CSMD1: variants seen among roughly 807,000 people sequenced by gnomAD.
CSMD1 encodes the protein CUB and sushi domain-containing protein 1.
Under a neutral mutation model 417.5 loss-of-function variants are expected in CSMD1, and 213 were observed. The ratio of observed to expected loss-of-function variants is 0.51; its 90% CI spans 0.46 to 0.57. The LOEUF is 0.57. Ranked by LOEUF, CSMD1 falls within the 20% of genes least tolerant of loss-of-function variation. The pLI is 0.00. For missense variants in CSMD1, 6,923 were observed against 4,529.7 expected, an observed-to-expected ratio of 1.53 and a Z score of -15.17; for synonymous variants, 2,862 against 1,736.8, an observed-to-expected ratio of 1.65 and a Z score of -16.11.
At chr8:3,685,314 C>A (rs921392626) in intron 7 of CSMD1, among the ~76,000 whole-genome samples, 26 of 152,060 alleles carry the variant, frequency 1.7e-4, no homozygotes, top group Admixed American at 1.5e-3. Flanking sequence ...AGTTGTCTTT[C>A]CCCCTGTAAA....
At chr8:3,224,012 T>A (rs1798354038) in intron 27 of CSMD1, 145 bp from the exon 28 acceptor site, 1 of 665,394 alleles carries the variant, frequency 1.5e-6, no homozygotes. Context: ...TGGTTATCAA[T>A]TATCCTGATA....
intron 7 of CSMD1, among the ~76,000 whole-genome samples, chr8:3,636,255 G>A (rs959374166): frequency 6.6e-6 from 1 of 152,130 alleles, no homozygotes; most frequent in Non-Finnish European, 1.5e-5. Flanking sequence ...CTAGGACAAC[G>A]ATGCCTTCTT....
At chr8:3,539,968 A>C (rs1798369604) in intron 10 of CSMD1, among the ~76,000 whole-genome samples, 1 of 152,182 alleles carries the variant, frequency 6.6e-6, no homozygotes, top group African/African-American at 2.4e-5. Flanking sequence ...CTAGTTTGAG[A>C]AACAGTCTTC....
chr8:4,191,042 T>A (rs77624010), intron 3 of CSMD1, among the ~76,000 whole-genome samples: 4,243 of 151,952 alleles, frequency 0.028, 220 homozygotes, highest in African/African-American at 0.097. Context: ...CAAACCCCCA[T>A]GACACCAGTT....
chr8:4,655,422 TA>T (rs1804166241), intron 1 of CSMD1, among the ~76,000 whole-genome samples: 1 of 152,102 alleles, frequency 6.6e-6, no homozygotes, highest in Non-Finnish European at 1.5e-5. Context: ...AAAACAATTT[TA>T]GGTATAAAAT....
intron 3 of CSMD1, among the ~76,000 whole-genome samples, chr8:4,203,332 C>G (rs1182307370): frequency 6.6e-6 from 1 of 152,120 alleles, no homozygotes; most frequent in Non-Finnish European, 1.5e-5. Flanking sequence ...GGAGACCCAT[C>G]TGCAGGTTAG....
chr8:4,343,023 C>A (rs1438292753), intron 3 of CSMD1, among the ~76,000 whole-genome samples: 1 of 152,078 alleles, frequency 6.6e-6, no homozygotes, highest in Admixed American at 6.6e-5. Context: ...ACTTGTGCCT[C>A]CTCCAACCCT....
intron 5 of CSMD1, among the ~76,000 whole-genome samples, chr8:3,765,752 G>C (rs73188942): frequency 0.026 from 3,894 of 152,258 alleles, 76 homozygotes; most frequent in Non-Finnish European, 0.039. Context: ...GGTGAGATCT[G>C]GCATCCTCCT....
At chr8:4,622,628 G>T (rs925882790) in intron 2 of CSMD1, among the ~76,000 whole-genome samples, 2 of 152,176 alleles carry the variant, frequency 1.3e-5, no homozygotes, top group Non-Finnish European at 2.9e-5. Flanking sequence ...GGAAAGAAGA[G>T]CAGGTTTGGA....
rs754685211 is a variant in CSMD1 at position 4,227,179 on chromosome 8, G to T, written c.415+192774C>A. On this transcript the variant is annotated intron_variant, in intron 3 of 69. Transcript: ENST00000635120. ...AGGCTGCCTCTTTGCCTGCCCTCAT[G>T]GTTGCTGAGGGACGTTTAAGTCAAA... Among the ~76,000 whole-genome samples, 5 of 152,060 alleles carry T rather than the reference G, an allele frequency of 3.3e-5. 1 individual carries two copies. The South Asian group carries it at 6.2e-4, about 19-fold the overall frequency.
chr8:3,259,693 G>A (rs1167645601), intron 26 of CSMD1, among the ~76,000 whole-genome samples: 1 of 152,042 alleles, frequency 6.6e-6, no homozygotes, highest in Non-Finnish European at 1.5e-5. Flanking sequence ...TTACTAAATT[G>A]GTGAGTCTAA....
intron 10 of CSMD1, among the ~76,000 whole-genome samples, chr8:3,498,915 G>C (rs1336910392): frequency 6.6e-6 from 1 of 151,736 alleles, no homozygotes; most frequent in African/African-American, 2.4e-5. Flanking sequence ...TTTTTGAATT[G>C]TCTATTTTTA....
intron 2 of CSMD1, among the ~76,000 whole-genome samples, chr8:4,530,338 T>C (rs1218684628): frequency 7.0e-6 from 1 of 143,026 alleles, no homozygotes; most frequent in African/African-American, 2.6e-5. Flanking sequence ...TTTTTTTTTT[T>C]TTTTTTACTT....
intron 2 of CSMD1, among the ~76,000 whole-genome samples, chr8:4,522,334 C>A (rs62479742): frequency 0.081 from 12,259 of 152,202 alleles, 544 homozygotes; most frequent in African/African-American, 0.13. Flanking sequence ...TGAGTCTAAT[C>A]AAGCCTCTTG....
chr8:3,941,047 A>G (rs540745078), intron 5 of CSMD1, among the ~76,000 whole-genome samples: 2 of 152,066 alleles, frequency 1.3e-5, no homozygotes, highest in Non-Finnish European at 2.9e-5. Flanking sequence ...CAATACATTC[A>G]TATAATCAAA....
At chr8:3,898,985 T>A (rs1006277563) in intron 5 of CSMD1, among the ~76,000 whole-genome samples, 1 of 152,154 alleles carries the variant, frequency 6.6e-6, no homozygotes, top group Non-Finnish European at 1.5e-5. Context: ...ATACAGTACA[T>A]ATTTCAGTGC....
chr8:4,327,593 T>C (rs75566065), intron 3 of CSMD1, among the ~76,000 whole-genome samples: 4,148 of 152,086 alleles, frequency 0.027, 77 homozygotes, highest in African/African-American at 0.037. Context: ...ACTACAAAGA[T>C]GTTACCAAGT....
intron 43 of CSMD1, among the ~76,000 whole-genome samples, chr8:3,109,679 TG>T (rs1417182538): frequency 1.3e-5 from 2 of 152,098 alleles, no homozygotes; most frequent in Non-Finnish European, 2.9e-5. Context: ...TTACTTGCCC[TG>T]GCTGCTGGCT....
intron 2 of CSMD1, among the ~76,000 whole-genome samples, chr8:4,588,866 C>T (rs1398254525): frequency 2.6e-5 from 4 of 151,992 alleles, no homozygotes; most frequent in Admixed American, 6.6e-5. Context: ...CTTCCACTGA[C>T]GCGAATGTGA....
Sources: allele counts gnomAD v4.1 joint callset (sites outside exome capture counted in the v4.1 genomes callset), GRCh38; gene constraint gnomAD v4.1.1; transcripts MANE v1.5; gene names NCBI Gene and HGNC (gene_info 2026-07-23, HGNC 2026-07-21).